The following TASP1 variants were observed in gnomAD, a reference collection of about 807,000 sequenced individuals.
TASP1 encodes the protein taspase 1, also known as threonine aspartase 1.
In TASP1, 16 loss-of-function variants were observed where a neutral mutation model predicts 56.6. That is an observed-to-expected ratio of 0.28 (90% CI 0.19 to 0.43). TASP1 has a LOEUF of 0.43. Ranked by LOEUF, TASP1 falls within the 20% of genes least tolerant of loss-of-function variation. The probability of loss-of-function intolerance (pLI) is 1.00; values close to 1 mark genes in which losing one functional copy is unlikely to be tolerated. For synonymous variants in TASP1, 179 were observed against 184.2 expected, an observed-to-expected ratio of 0.97 and a Z score of 0.23; for missense variants, 393 against 511.6, an observed-to-expected ratio of 0.77 and a Z score of 2.24.
intron 11 of TASP1, 32 bp downstream of exon 11, chr20:13,483,195 A>G: frequency 1.4e-6 from 2 of 1,457,828 alleles, no homozygotes; most frequent in South Asian, 2.6e-5. Flanking sequence ...ATCCATATTT[A>G]GAAGATGTAA....
the TASP1 span, among the ~76,000 whole-genome samples, chr20:13,171,566 T>C: frequency 1.3e-5 from 2 of 152,054 alleles, no homozygotes; most frequent in African/African-American, 4.8e-5. Context: ...TATAGAAAAA[T>C]GAAAATATTT....
intron 13 of TASP1, among the ~76,000 whole-genome samples, chr20:13,394,345 T>C (rs2041431983): frequency 7.1e-6 from 1 of 141,752 alleles, no homozygotes; most frequent in Non-Finnish European, 1.5e-5. Context: ...GTGCGGTAGC[T>C]CACGCCTGTA....
chr20:13,427,074 G>A (rs1276907515), intron 12 of TASP1, among the ~76,000 whole-genome samples: 2 of 152,202 alleles, frequency 1.3e-5, no homozygotes, highest in African/African-American at 4.8e-5. Flanking sequence ...CTAGTCATAA[G>A]TGCTCACTGT....
intron 11 of TASP1, among the ~76,000 whole-genome samples, chr20:13,437,037 C>T (rs2043028958): frequency 6.6e-6 from 1 of 152,024 alleles, no homozygotes; most frequent in Non-Finnish European, 1.5e-5. Context: ...ATACCAAAGC[C>T]TGGCAGAGAC....
intron 4 of TASP1, among the ~76,000 whole-genome samples, chr20:13,623,000 A>T (rs373277831): frequency 2.0e-4 from 31 of 152,334 alleles, no homozygotes; most frequent in African/African-American, 7.2e-4. Flanking sequence ...TAACACTGGG[A>T]CAAGGCACAC....
chr20:13,257,120 C>T, the TASP1 span, among the ~76,000 whole-genome samples: 3 of 152,338 alleles, frequency 2.0e-5, no homozygotes, highest in East Asian at 5.8e-4. Flanking sequence ...AGGGAAATAA[C>T]ATGCTCAACA....
chr20:13,493,597 C>T (rs533051326), intron 10 of TASP1, among the ~76,000 whole-genome samples: 2 of 152,302 alleles, frequency 1.3e-5, no homozygotes, highest in East Asian at 3.9e-4. Context: ...GAAGGGTGCA[C>T]TGTCAGCTTC....
At chr20:13,153,300 G>A in the TASP1 span, among the ~76,000 whole-genome samples, 2,792 of 152,266 alleles carry the variant, frequency 0.018, 53 homozygotes, top group South Asian at 0.03. Context: ...TAGGACACAG[G>A]CTATAAGAGC....
At chr20:13,367,578 T>G in the TASP1 span, among the ~76,000 whole-genome samples, 3 of 152,208 alleles carry the variant, frequency 2.0e-5, no homozygotes, top group South Asian at 4.1e-4. Context: ...AGCATCAAAA[T>G]GGCTTCACAG....
At chr20:13,178,583 C>A in the TASP1 span, among the ~76,000 whole-genome samples, 26 of 151,716 alleles carry the variant, frequency 1.7e-4, no homozygotes, top group African/African-American at 6.3e-4. Context: ...AGAATGAAAT[C>A]CTGTCATTTG....
chr20:13,414,897 A>AT (rs1190445259), intron 13 of TASP1, among the ~76,000 whole-genome samples: 1 of 152,062 alleles, frequency 6.6e-6, no homozygotes, highest in Non-Finnish European at 1.5e-5. Context: ...GATACTGATT[A>AT]TTATCCAGCC....
the TASP1 span, among the ~76,000 whole-genome samples, chr20:13,263,306 A>G: frequency 6.6e-6 from 1 of 151,954 alleles, no homozygotes; most frequent in Non-Finnish European, 1.5e-5. Context: ...CCTCTTTCCA[A>G]CACTTCTCAG....
chr20:13,133,474 C>A, the TASP1 span, among the ~76,000 whole-genome samples: 1 of 152,208 alleles, frequency 6.6e-6, no homozygotes. Context: ...TGGCTCACAC[C>A]TGTAATCCCA....
chr20:13,596,077 C>G (rs1443550830), intron 4 of TASP1, among the ~76,000 whole-genome samples: 1 of 152,124 alleles, frequency 6.6e-6, no homozygotes. Context: ...GAAACTCACT[C>G]AAAACTGCAC....
the TASP1 span, among the ~76,000 whole-genome samples, chr20:13,342,382 C>T: frequency 6.6e-6 from 1 of 152,188 alleles, no homozygotes; most frequent in African/African-American, 2.4e-5. Context: ...TTAAGATGAG[C>T]TACAAGAGAG....
the TASP1 span, among the ~76,000 whole-genome samples, chr20:13,169,734 T>C: frequency 2.0e-5 from 3 of 152,218 alleles, no homozygotes; most frequent in South Asian, 6.2e-4. Flanking sequence ...AATCGAATAG[T>C]ATAATGAGCC....
chr20:13,528,610 AATG>A, intron 9 of TASP1, 99 bp from the exon 10 acceptor site: 1 of 1,013,812 alleles, frequency 9.9e-7, no homozygotes, highest in Non-Finnish European at 1.4e-6. Flanking sequence ...CTGGTTTAAT[AATG>A]ATGTAAAACA....
rs1160785364 is a variant in TASP1, at chr20:13,390,282, C to T, written c.*78G>A. 7.6e-6 allele frequency: 10 copies of T among 1,313,176 alleles called. No homozygotes were observed. Among genetic ancestry groups the T allele is most frequent in the Non-Finnish European group, 9.7e-6 (9 of 928,956 alleles). 81.3% of individuals were successfully genotyped at this position (1,313,176 alleles called of 1,614,324 possible). On this transcript the variant is annotated 3_prime_UTR_variant, in exon 14 of 14. Coordinates refer to ENST00000337743, the MANE Select transcript of TASP1 (RefSeq NM_017714.3). Reference sequence around the variant, plus strand: ...GAATTATAAAACAAGAAAGATAAAACAACCAACTTCAGTTAAAAACCCCCA... The same window carrying T: ...GAATTATAAAACAAGAAAGATAAAATAACCAACTTCAGTTAAAAACCCCCA...
chr20:13,508,599 T>G (rs2044214359), intron 10 of TASP1, among the ~76,000 whole-genome samples: 1 of 152,108 alleles, frequency 6.6e-6, no homozygotes, highest in African/African-American at 2.4e-5. Flanking sequence ...AATAAGGGAT[T>G]AAAATCCAAA....
Sources: allele counts gnomAD v4.1 joint callset (sites outside exome capture counted in the v4.1 genomes callset), GRCh38; gene constraint gnomAD v4.1.1; transcripts MANE v1.5; gene names NCBI Gene and HGNC (gene_info 2026-07-23, HGNC 2026-07-21).